Variants in ANKS1B observed in about 807,000 individuals in gnomAD.
ANKS1B encodes ankyrin repeat and sterile alpha motif domain-containing protein 1B.
A neutral mutation model predicts 148.3 loss-of-function variants in ANKS1B; 36 were observed. The ratio of observed to expected loss-of-function variants is 0.24; its 90% CI spans 0.19 to 0.32. The LOEUF (loss-of-function observed/expected upper bound fraction) is 0.32. Among genes scored for constraint, ANKS1B ranks in the 10% least tolerant of loss-of-function variants. The probability of loss-of-function intolerance (pLI) is 1.00; values close to 1 mark genes in which losing one functional copy is unlikely to be tolerated. For synonymous variants in ANKS1B, 542 were observed against 560.8 expected (o/e 0.97, Z 0.47); for missense variants, 1,157 against 1,542.6 (o/e 0.75, Z 4.19).
chr12:99,014,073 T>C (rs2099941010), intron 17 of ANKS1B, among the ~76,000 whole-genome samples: 1 of 152,044 alleles, frequency 6.6e-6, no homozygotes, highest in Non-Finnish European at 1.5e-5. Flanking sequence ...AACACAATCT[T>C]AGGCAAAAAG....
intron 4 of ANKS1B, among the ~76,000 whole-genome samples, chr12:99,786,721 T>TCC (rs2065045140): frequency 6.6e-6 from 1 of 152,144 alleles, no homozygotes; most frequent in Non-Finnish European, 1.5e-5. Flanking sequence ...CAGATATAAA[T>TCC]GCTTAGAAAA....
At chr12:99,339,291 C>T (rs756717535) in intron 12 of ANKS1B, among the ~76,000 whole-genome samples, 10 of 152,172 alleles carry the variant, frequency 6.6e-5, no homozygotes, top group Non-Finnish European at 1.3e-4. Flanking sequence ...TGTTGCTTTC[C>T]ACTATGATGG....
At chr12:99,607,582 T>C (rs1344477006) in intron 9 of ANKS1B, among the ~76,000 whole-genome samples, 2 of 152,106 alleles carry the variant, frequency 1.3e-5, no homozygotes, top group Non-Finnish European at 2.9e-5. Flanking sequence ...CAGCTTTAAC[T>C]TTAAGCCACA....
intron 10 of ANKS1B, among the ~76,000 whole-genome samples, chr12:99,468,630 G>A (rs890592277): frequency 6.6e-6 from 1 of 152,074 alleles, no homozygotes; most frequent in African/African-American, 2.4e-5. Context: ...GTGGGCAAAG[G>A]ATATGAACAG....
chr12:99,648,404 G>A, intron 9 of ANKS1B: 2 of 1,614,186 alleles, frequency 1.2e-6, no homozygotes, highest in Non-Finnish European at 1.7e-6. Context: ...GTTCGCACCA[G>A]CCCCTGCCTC....
At chr12:99,501,713 TATCCAAA>T (rs999518946) in intron 10 of ANKS1B, among the ~76,000 whole-genome samples, 3 of 152,106 alleles carry the variant, frequency 2.0e-5, no homozygotes, top group East Asian at 1.9e-4. Flanking sequence ...TTGTTTTCAG[TATCCAAA>T]GCCACAGAAG....
intron 6 of ANKS1B, among the ~76,000 whole-genome samples, chr12:99,777,387 TTAATC>T (rs1366228640): frequency 6.6e-6 from 1 of 152,162 alleles, no homozygotes; most frequent in African/African-American, 2.4e-5. Context: ...ACATACCTAA[TTAATC>T]TTGACCATTT....
In ANKS1B at chr12:99,901,519, G is replaced by A. The variant is rs115942190; in HGVS notation, c.135-76130C>T. Among the ~76,000 whole-genome samples the A allele has an allele frequency of 6.9e-3, 1,052 of 152,272 alleles. 17 individuals are homozygous for A. The highest frequency in any genetic ancestry group is 0.024 in the African/African-American group (1,005 of 41,552). ...CTCTGCACACTGTGGGAACACACTG[G>A]AATCCTATAGTGGACATTTGTTATG... On this transcript the variant is annotated intron_variant, in intron 1 of 26. Transcript: ENST00000683438.
intron 1 of ANKS1B, among the ~76,000 whole-genome samples, chr12:99,882,053 T>A (rs994703094): frequency 2.0e-5 from 3 of 152,076 alleles, no homozygotes; most frequent in Non-Finnish European, 2.9e-5. Flanking sequence ...AAATAGAAAG[T>A]TTCAGCAAGG....
At chr12:99,270,181 T>C (rs896912822) in intron 12 of ANKS1B, among the ~76,000 whole-genome samples, 1 of 152,220 alleles carries the variant, frequency 6.6e-6, no homozygotes, top group African/African-American at 2.4e-5. Flanking sequence ...TCCTTGACTC[T>C]TCCTTCTCTC....
chr12:98,759,820 A>T (rs900012112), intron 25 of ANKS1B, among the ~76,000 whole-genome samples: 3 of 152,098 alleles, frequency 2.0e-5, no homozygotes, highest in African/African-American at 7.2e-5. Context: ...TCTCTACTAA[A>T]ATACAAAAAA....
intron 14 of ANKS1B, among the ~76,000 whole-genome samples, chr12:99,159,974 C>G (rs1355962605): frequency 6.6e-6 from 1 of 152,186 alleles, no homozygotes; most frequent in East Asian, 1.9e-4. Flanking sequence ...CTCCGATGAT[C>G]AGTGACGTTA....
At chr12:99,880,407 A>G (rs79949307) in intron 1 of ANKS1B, among the ~76,000 whole-genome samples, 270 of 152,316 alleles carry the variant, frequency 1.8e-3, no homozygotes, top group African/African-American at 6.1e-3. Context: ...GATCTTAACC[A>G]CTTACAATAC....
chr12:99,755,320 C>G lies in ANKS1B; in HGVS notation c.1128+17602G>C, dbSNP rs540976899. On this transcript the variant is annotated intron_variant, in intron 8 of 26. Transcript: ENST00000683438. ...ACCAGGAAGAAATTGATTCTCTGAG[C>G]AAACCAAACCTCTGAAATTGAAGCA... is the stretch of plus-strand genomic sequence containing the variant. Among the ~76,000 whole-genome samples, 96 of 151,542 alleles carry G rather than the reference C, an allele frequency of 6.3e-4. 1 individual carries two copies. Among genetic ancestry groups the G allele is most frequent in the Non-Finnish European group, 1.2e-3 (80 of 67,792 alleles).
intron 24 of ANKS1B, 63 bp from the exon 25 acceptor site, chr12:98,773,242 G>C: frequency 6.6e-7 from 1 of 1,522,466 alleles, no homozygotes; most frequent in South Asian, 1.3e-5. Flanking sequence ...TGACAACCAA[G>C]ACAAGTAACC....
intron 12 of ANKS1B, among the ~76,000 whole-genome samples, chr12:99,288,943 A>G (rs976208035): frequency 2.0e-5 from 3 of 152,088 alleles, no homozygotes; most frequent in African/African-American, 7.2e-5. Flanking sequence ...TGAACTTTCC[A>G]ATCAAAAGAC....
chr12:99,054,515 A>T (rs1044204779), intron 16 of ANKS1B, among the ~76,000 whole-genome samples: 1 of 151,940 alleles, frequency 6.6e-6, no homozygotes, highest in Non-Finnish European at 1.5e-5. Context: ...TCTAGTTTCC[A>T]TTTCAAAGTT....
At chr12:99,780,131 G>A (rs1482388885) in intron 5 of ANKS1B, among the ~76,000 whole-genome samples, 159 bp from the exon 6 acceptor site, 39 of 150,518 alleles carry the variant, frequency 2.6e-4, no homozygotes, top group Admixed American at 2.6e-3. Context: ...ACACACACAT[G>A]CGCACACACA....
intron 8 of ANKS1B, among the ~76,000 whole-genome samples, chr12:99,765,267 A>G (rs1309944891): frequency 2.0e-5 from 3 of 152,202 alleles, no homozygotes; most frequent in Non-Finnish European, 4.4e-5. Flanking sequence ...AATGCCTAGC[A>G]TGTAGTGAAA....
Sources: gnomAD v4.1 joint callset for allele counts (sites outside exome capture counted in the v4.1 genomes callset) on GRCh38, gnomAD v4.1.1 for gene constraint, MANE v1.5 for transcripts, NCBI Gene and HGNC (gene_info 2026-07-23, HGNC 2026-07-21) for gene names.